Variants in SAMMSON observed in about 807,000 individuals in gnomAD.
The protein encoded by SAMMSON is survival associated mitochondrial melanoma specific oncogenic non-coding RNA.
chr3:70,339,548 A>G (rs1022326925), intron 7 of SAMMSON, among the ~76,000 whole-genome samples: 2 of 152,162 alleles, frequency 1.3e-5, no homozygotes, highest in Admixed American at 1.3e-4. Context: ...AACTTAAACA[A>G]ATTTACAAGA....
At chr3:70,181,338 A>G (rs563767391) in intron 4 of SAMMSON, among the ~76,000 whole-genome samples, 3 of 152,344 alleles carry the variant, frequency 2.0e-5, no homozygotes, top group Non-Finnish European at 2.9e-5. Context: ...GAATAAAACT[A>G]AAGTTTTAAG....
At chr3:70,232,121 C>G (rs146003763) in intron 4 of SAMMSON, among the ~76,000 whole-genome samples, 1 of 152,166 alleles carries the variant, frequency 6.6e-6, no homozygotes, top group Non-Finnish European at 1.5e-5. Context: ...GTGACACTGG[C>G]AGCGAGATGT....
In SAMMSON at chr3:70,384,440, A is replaced by G. The variant is rs78095745; in HGVS notation, n.914-5134A>G. Among the ~76,000 whole-genome samples, 380 of 152,160 alleles carry G rather than the reference A, an allele frequency of 2.5e-3. 2 individuals are homozygous for G. The highest frequency in any genetic ancestry group is 8.8e-3 in the African/African-American group (364 of 41,542). On this transcript the variant is annotated intron_variant and non_coding_transcript_variant, in intron 9 of 9. Coordinates refer to ENST00000642114, the Ensembl canonical transcript of SAMMSON. ...GGAATCAGAGAGGTAAATATAGTCAATCCGATGACTTGAGGCCAGTCTTTA... is the reference window on the plus strand; with the variant it reads ...GGAATCAGAGAGGTAAATATAGTCAGTCCGATGACTTGAGGCCAGTCTTTA...
intron 6 of SAMMSON, among the ~76,000 whole-genome samples, chr3:70,267,555 A>G (rs1353435836): frequency 2.7e-5 from 4 of 146,168 alleles, no homozygotes; most frequent in Admixed American, 6.9e-5. Context: ...GGCGCCCGCC[A>G]CCATGCCCGG....
chr3:70,188,397 A>G (rs1701107411), intron 4 of SAMMSON, among the ~76,000 whole-genome samples: 1 of 152,218 alleles, frequency 6.6e-6, no homozygotes, highest in South Asian at 2.1e-4. Flanking sequence ...ACTGACACAT[A>G]AGTGCTTATT....
intron 4 of SAMMSON, chr3:70,126,254 C>T: frequency 9.9e-7 from 1 of 1,005,650 alleles, no homozygotes; most frequent in South Asian, 1.4e-5. Context: ...GGTCATCAGA[C>T]CTTTTTTTTT....
chr3:70,049,636 A>T, intron 3 of SAMMSON, among the ~76,000 whole-genome samples: 1 of 152,104 alleles, frequency 6.6e-6, no homozygotes, highest in South Asian at 2.1e-4. Flanking sequence ...TATCATCATT[A>T]TTGTTGTCAC....
intron 4 of SAMMSON, among the ~76,000 whole-genome samples, chr3:70,222,482 A>G (rs1701469656): frequency 6.6e-6 from 1 of 152,196 alleles, no homozygotes; most frequent in East Asian, 1.9e-4. Flanking sequence ...CACTTTGGAT[A>G]GGTTGGTTTT....
chr3:70,237,797 T>C (rs1253939331), intron 4 of SAMMSON, among the ~76,000 whole-genome samples: 1 of 152,132 alleles, frequency 6.6e-6, no homozygotes, highest in Non-Finnish European at 1.5e-5. Context: ...ATGGCAGCCA[T>C]ATTGTGGGCA....
intron 7 of SAMMSON, among the ~76,000 whole-genome samples, chr3:70,295,791 G>A (rs1702284515): frequency 6.6e-6 from 1 of 152,194 alleles, no homozygotes; most frequent in Admixed American, 6.5e-5. Context: ...TGTTGAATGT[G>A]TTAGGCAAAG....
chr3:70,374,538 G>A (rs746316475), intron 9 of SAMMSON, among the ~76,000 whole-genome samples: 1 of 152,078 alleles, frequency 6.6e-6, no homozygotes, highest in African/African-American at 2.4e-5. Flanking sequence ...TTGCTACTGG[G>A]TGGGAGTGGC....
At chr3:70,319,806 T>A (rs1702523741) in intron 7 of SAMMSON, among the ~76,000 whole-genome samples, 1 of 152,038 alleles carries the variant, frequency 6.6e-6, no homozygotes. Context: ...AAGGGATGTG[T>A]GACTATGGTT....
At chr3:70,305,974 T>C (rs1440506100) in intron 7 of SAMMSON, among the ~76,000 whole-genome samples, 1 of 152,204 alleles carries the variant, frequency 6.6e-6, no homozygotes, top group Admixed American at 6.6e-5. Flanking sequence ...CTCTAATATG[T>C]GTTAATTCTG....
intron 4 of SAMMSON, among the ~76,000 whole-genome samples, chr3:70,133,818 A>G (rs2067493929): frequency 6.6e-6 from 1 of 152,156 alleles, no homozygotes; most frequent in Admixed American, 6.5e-5. Context: ...AGTCATAAAT[A>G]TATGATCCAC....
In SAMMSON at chr3:70,215,008, G is replaced by A. The variant is rs181471472; in HGVS notation, n.508-34099G>A. 2.6e-5 allele frequency among the ~76,000 whole-genome samples: 4 copies of A among 152,142 alleles called. No homozygotes were observed. In the East Asian group the frequency reaches 7.7e-4, roughly 29 times the overall value. The stretch of plus-strand genomic sequence containing the variant: ...ATGCATGATTGGTATTACATATACA[G>A]TCAATTTTTTTACTATCAGTGTTTA... On this transcript the variant is annotated intron_variant and non_coding_transcript_variant, in intron 4 of 9. Transcript: ENST00000642114.
In SAMMSON at chr3:70,065,555, G is replaced by C. The variant is rs531003548; in HGVS notation, n.418-5921G>C. The stretch of plus-strand genomic sequence containing the variant: ...GAAAAAAAAATGTGAGAAATCTGAA[G>C]CCATTCCAATGTGTGCCTCTTTCAG... On this transcript the variant is annotated intron_variant and non_coding_transcript_variant, in intron 3 of 9. Transcript: ENST00000642114. 5.9e-5 allele frequency among the ~76,000 whole-genome samples: 9 copies of C among 152,142 alleles called. No individual in the cohort carries two copies. In the South Asian group the frequency reaches 1.7e-3, roughly 28 times the overall value.
At chr3:70,284,207 TTAACTACC>T (rs1255445401) in intron 6 of SAMMSON, among the ~76,000 whole-genome samples, 1 of 152,182 alleles carries the variant, frequency 6.6e-6, no homozygotes. Flanking sequence ...TTAATGAATA[TTAACTACC>T]AAGAAATGTG....
chr3:70,323,631 C>T (rs1019218810), intron 7 of SAMMSON, among the ~76,000 whole-genome samples: 2 of 152,098 alleles, frequency 1.3e-5, no homozygotes, highest in African/African-American at 4.8e-5. Flanking sequence ...GGGAGGGCCA[C>T]AAAATATATT....
intron 1 of SAMMSON, among the ~76,000 whole-genome samples, chr3:70,001,034 T>G (rs751101402): frequency 6.6e-6 from 1 of 152,070 alleles, no homozygotes; most frequent in Non-Finnish European, 1.5e-5. Context: ...TTTGTTCCAC[T>G]GGACAATGAG....
Sources: allele counts gnomAD v4.1 joint callset (sites outside exome capture counted in the v4.1 genomes callset), GRCh38; gene constraint gnomAD v4.1.1; transcripts MANE v1.5; gene names NCBI Gene and HGNC (gene_info 2026-07-23, HGNC 2026-07-21).